Variants in SEPSECS observed in about 807,000 individuals in gnomAD.
SEPSECS encodes O-phosphoseryl-tRNA(Sec) selenium transferase.
In SEPSECS, 42 loss-of-function variants were observed where a neutral mutation model predicts 52.1. The observed-to-expected ratio is 0.81, with a 90% CI of 0.63 to 1.04. The LOEUF (loss-of-function observed/expected upper bound fraction) is 1.04. Among genes scored for constraint, SEPSECS ranks in the 50% least tolerant of loss-of-function variants. The pLI is 0.00. For missense variants in SEPSECS, 590 were observed against 610.6 expected (o/e 0.97, Z 0.36); for synonymous variants, 216 against 211.4 (o/e 1.02, Z -0.19).
At chr4:25,141,494 G>C (rs1181541716) in intron 8 of SEPSECS, among the ~76,000 whole-genome samples, 1 of 152,052 alleles carries the variant, frequency 6.6e-6, no homozygotes, top group Non-Finnish European at 1.5e-5. Context: ...CCCCATCATA[G>C]CTAATGGCTG....
At chr4:25,160,053 A>C in intron 1 of SEPSECS, 1 of 985,306 alleles carries the variant, frequency 1.0e-6, no homozygotes, top group Non-Finnish European at 1.2e-6. Context: ...CCTCCTAACA[A>C]CACCATTTGG....
At position 25,156,005 on chromosome 4, in the gene SEPSECS, G is replaced by A. The variant is rs572614664; in HGVS notation, c.547+32C>T. 27 of 1,578,362 alleles carry A rather than the reference G, an allele frequency of 1.7e-5. No individual in the cohort carries two copies. In the East Asian group the frequency reaches 5.8e-4, roughly 34 times the overall value. On this transcript the variant is annotated intron_variant, in intron 4 of 10. Coordinates refer to ENST00000382103, the MANE Select transcript of SEPSECS (RefSeq NM_016955.4). ...GAAATCTGAATTTCATAATTATGAT[G>A]TTTAAAACATTATGTATGACACTTC...
At chr4:25,146,958 T>A (rs908845593) in intron 6 of SEPSECS, among the ~76,000 whole-genome samples, 1 of 152,190 alleles carries the variant, frequency 6.6e-6, no homozygotes, top group African/African-American at 2.4e-5. Context: ...AATCCTTCCA[T>A]GGCCAATGAT....
chr4:25,157,348 C>G (rs1473458258), intron 2 of SEPSECS, among the ~76,000 whole-genome samples: 2 of 152,020 alleles, frequency 1.3e-5, no homozygotes, highest in East Asian at 3.9e-4. Flanking sequence ...CTAGGCAAAC[C>G]TTCAGATGAC....
At chr4:25,126,002 A>G (rs1336612278) in intron 9 of SEPSECS, among the ~76,000 whole-genome samples, 1 of 152,196 alleles carries the variant, frequency 6.6e-6, no homozygotes, top group Non-Finnish European at 1.5e-5. Flanking sequence ...AGAATTTCCA[A>G]TATCAGCCTT....
At chr4:25,157,676 C>T (rs1712761954) in intron 2 of SEPSECS, among the ~76,000 whole-genome samples, 1 of 151,930 alleles carries the variant, frequency 6.6e-6, no homozygotes, top group Admixed American at 6.6e-5. Context: ...TCCCGTGTAG[C>T]TGGGACTACA....
intron 10 of SEPSECS, among the ~76,000 whole-genome samples, chr4:25,124,895 T>C (rs1728299890): frequency 6.6e-6 from 1 of 151,986 alleles, no homozygotes; most frequent in Non-Finnish European, 1.5e-5. Context: ...TTTAATCGCT[T>C]AGCTTTTTGT....
At chr4:25,126,848 G>A (rs530429726) in intron 9 of SEPSECS, among the ~76,000 whole-genome samples, 61 of 152,138 alleles carry the variant, frequency 4.0e-4, no homozygotes, top group Non-Finnish European at 8.2e-4. Context: ...ATAGAGACAA[G>A]GTTTCACTAT....
chr4:25,150,022 T>C (rs1712205776), intron 6 of SEPSECS, among the ~76,000 whole-genome samples: 1 of 152,254 alleles, frequency 6.6e-6, no homozygotes, highest in Admixed American at 6.5e-5. Context: ...GGGTGCCTGT[T>C]ACTTGCTGCC....
intron 9 of SEPSECS, among the ~76,000 whole-genome samples, chr4:25,126,938 G>A (rs4697551): frequency 0.51 from 77,486 of 152,078 alleles, 20,228 homozygotes; most frequent in Non-Finnish European, 0.54. Flanking sequence ...TTACAGGCGT[G>A]GGCCACCAAA....
Position 25,156,981 on chromosome 4 carries a change from A to C in SEPSECS, c.270-7T>G, listed in dbSNP as rs748007321. 2 of 1,506,472 alleles carry C rather than the reference A, an allele frequency of 1.3e-6. No individual in the cohort carries two copies. The highest frequency in any genetic ancestry group is 1.8e-6 in the Non-Finnish European group (2 of 1,081,946). The allele number at this position is 1,506,472 out of a possible 1,614,324, so 93.3% of individuals were successfully genotyped here. A position where few individuals can be genotyped will look rare whatever the true frequency, so the allele number is the denominator to read the frequency against. ...TCCAATGCCATGAATGAACCTAAGC[A>C]AAAAATGGGCCAAAAACTGGACAAA... is the stretch of plus-strand genomic sequence containing the variant. On this transcript the variant is annotated splice_region_variant and splice_polypyrimidine_tract_variant and intron_variant, in intron 2 of 10. Transcript: ENST00000382103.
intron 8 of SEPSECS, among the ~76,000 whole-genome samples, chr4:25,127,753 T>G (rs1192923133): frequency 6.6e-6 from 1 of 152,088 alleles, no homozygotes; most frequent in Non-Finnish European, 1.5e-5. Context: ...ACTAGAGAGG[T>G]CTTTCAAAAG....
At chr4:25,148,710 A>G (rs2109025889) in intron 6 of SEPSECS, among the ~76,000 whole-genome samples, 1 of 152,328 alleles carries the variant, frequency 6.6e-6, no homozygotes, top group South Asian at 2.1e-4. Context: ...CCTAGAAGAG[A>G]GTATGTGAAA....
intron 8 of SEPSECS, among the ~76,000 whole-genome samples, chr4:25,133,450 C>A (rs954265082): frequency 1.3e-5 from 2 of 152,192 alleles, no homozygotes; most frequent in Admixed American, 6.5e-5. Flanking sequence ...ACTAGCTGAG[C>A]TACATATTCC....
At chr4:25,160,192 G>T (rs1712981050) in intron 1 of SEPSECS, 64 bp downstream of exon 1, 2 of 1,543,548 alleles carry the variant, frequency 1.3e-6, no homozygotes, top group South Asian at 2.4e-5. Context: ...CACCAGCGGG[G>T]ACGCCCGGCG....
At chr4:25,141,891 A>G (rs942877487) in intron 8 of SEPSECS, among the ~76,000 whole-genome samples, 1 of 152,156 alleles carries the variant, frequency 6.6e-6, no homozygotes, top group Non-Finnish European at 1.5e-5. Context: ...CAAGGTCCAC[A>G]TCTGGCCTAG....
At chr4:25,155,457 A>C (rs1015796248) in intron 4 of SEPSECS, among the ~76,000 whole-genome samples, 1 of 152,224 alleles carries the variant, frequency 6.6e-6, no homozygotes, top group Non-Finnish European at 1.5e-5. Context: ...AATAACATAG[A>C]CACTGATGAC....
In SEPSECS at chr4:25,156,987, T is replaced by C. The variant is rs1189953395; in HGVS notation, c.270-13A>G. ...GCCATGAATGAACCTAAGCAAAAAA[T>C]GGGCCAAAAACTGGACAAATACATT... On this transcript the variant is annotated splice_polypyrimidine_tract_variant and intron_variant, in intron 2 of 10. Coordinates refer to ENST00000382103, the MANE Select transcript of SEPSECS (RefSeq NM_016955.4). 9 of 1,434,828 alleles carry C rather than the reference T, an allele frequency of 6.3e-6. No homozygotes were observed. In the African/African-American group the frequency reaches 9.8e-5, roughly 16 times the overall value. 88.9% of individuals were successfully genotyped at this position (1,434,828 alleles called of 1,614,324 possible).
rs1014580228 is a variant in SEPSECS, at chr4:25,158,870, C to T, written c.269+83G>A. On this transcript the variant is annotated intron_variant, in intron 2 of 10. Coordinates refer to ENST00000382103, the MANE Select transcript of SEPSECS (RefSeq NM_016955.4). ...GGTTTACAAACTGACATTTGATAAT[C>T]TAATAAGATAAATACTGCTGCCATT... The T allele has an allele frequency of 8.0e-5, 108 of 1,345,364 alleles. No individual in the cohort carries two copies. In the South Asian group the frequency reaches 1.2e-3, roughly 15 times the overall value. The allele number at this position is 1,345,364 out of a possible 1,614,324, so 83.3% of individuals were successfully genotyped here.
Sources: allele counts gnomAD v4.1 joint callset (sites outside exome capture counted in the v4.1 genomes callset), GRCh38; gene constraint gnomAD v4.1.1; transcripts MANE v1.5; gene names NCBI Gene and HGNC (gene_info 2026-07-23, HGNC 2026-07-21).